The following CDS2 variants were observed in gnomAD, a reference collection of about 807,000 sequenced individuals.
CDS2 encodes the protein CDP-diacylglycerol synthase 2.
In CDS2, 47 loss-of-function variants were observed where a neutral mutation model predicts 59.0. The observed-to-expected ratio is 0.80, with a 90% CI of 0.63 to 1.02. The LOEUF is 1.02. Ranked by LOEUF, CDS2 falls within the 50% of genes least tolerant of loss-of-function variation. CDS2 has a pLI of 0.00. For synonymous variants in CDS2, 207 were observed against 206.4 expected (o/e 1.00, Z -0.02); for missense variants, 356 against 558.9 (o/e 0.64, Z 3.66).
Position 5,127,025 on chromosome 20 carries a change from C to T in CDS2, c.-68C>T, listed in dbSNP as rs939580161. On this transcript the variant is annotated 5_prime_UTR_variant, in exon 1 of 13. Coordinates refer to ENST00000460006, the MANE Select transcript of CDS2 (RefSeq NM_003818.4). ...CCGGCCGTGGGAGTCCGCGCGTGCC[C>T]GCGCCGAGCTGCCTGCTCCGGCGGC... 1.2e-5 allele frequency: 17 copies of T among 1,424,060 alleles called. No individual in the cohort carries two copies. Among genetic ancestry groups the T allele is most frequent in the Middle Eastern group, 3.8e-4 (2 of 5,332 alleles). 88.2% of individuals were successfully genotyped at this position (1,424,060 alleles called of 1,614,324 possible). A position where few individuals can be genotyped will look rare whatever the true frequency, so the allele number is the denominator to read the frequency against.
At position 5,139,844 on chromosome 20, in the gene CDS2, G is replaced by C. The variant is rs1025801273; in HGVS notation, c.57+12695G>C. On this transcript the variant is annotated intron_variant, in intron 1 of 12. Coordinates refer to ENST00000460006, the MANE Select transcript of CDS2 (RefSeq NM_003818.4). ...GATGGAGTCTCACTCTATTGCCCAG[G>C]CTGGAGTGCAGTGGCACGATCTCAG... Among the ~76,000 whole-genome samples the C allele has an allele frequency of 4.0e-5, 6 of 150,212 alleles. 1 individual carries two copies. Among genetic ancestry groups the C allele is most frequent in the African/African-American group, 1.5e-4 (6 of 40,676 alleles).
intron 1 of CDS2, among the ~76,000 whole-genome samples, chr20:5,156,845 C>G (rs1177501342): frequency 6.6e-6 from 1 of 152,154 alleles, no homozygotes; most frequent in East Asian, 1.9e-4. Context: ...AGGTGAAAGT[C>G]CCATGGGAAA....
intron 5 of CDS2, among the ~76,000 whole-genome samples, chr20:5,179,836 G>A (rs1386550758): frequency 6.6e-6 from 1 of 152,146 alleles, no homozygotes; most frequent in Non-Finnish European, 1.5e-5. Context: ...GTAAGGCCAC[G>A]TACTAATTCT....
At position 5,165,903 on chromosome 20, in the gene CDS2, C is replaced by T. The variant is rs531717029; in HGVS notation, c.58-7620C>T. 4.6e-5 allele frequency among the ~76,000 whole-genome samples: 7 copies of T among 152,314 alleles called. No homozygotes were observed. In the East Asian group the frequency reaches 1.3e-3, roughly 29 times the overall value. On this transcript the variant is annotated intron_variant, in intron 1 of 12. Coordinates refer to ENST00000460006, the MANE Select transcript of CDS2 (RefSeq NM_003818.4). Reference sequence around the variant, plus strand: ...TAAAGGTAAGAAAGTACAACCTGTTCTAGAAACTGACTCTAGTTCAGAATG... The same window carrying T: ...TAAAGGTAAGAAAGTACAACCTGTTTTAGAAACTGACTCTAGTTCAGAATG...
At chr20:5,181,088 C>T (rs528499513) in intron 5 of CDS2, among the ~76,000 whole-genome samples, 52 of 152,264 alleles carry the variant, frequency 3.4e-4, no homozygotes, top group Admixed American at 1.4e-3. Context: ...GCAAAACTAT[C>T]CCAAGTAAAC....
rs1388008336 is a variant in CDS2 at position 5,189,095 on chromosome 20, T to G, written c.1010T>G (p.Ile337Ser). Residue 337 changes from isoleucine (I) to serine (S), a missense_variant, in exon 11 of 13, where the codon ATT becomes AGT. By Grantham distance (142) the Ile-to-Ser change is moderately radical. Transcript: ENST00000460006. Reference protein sequence around the residue: ...WKTVRMYPFQIHSIALSTFAS... With the variant: ...WKTVRMYPFQSHSIALSTFAS... Reference sequence around the variant, plus strand: ...ACGGTCCGGATGTACCCCTTCCAGATTCACAGCATCGCTCTCTCCACCTTT... The same window carrying G: ...ACGGTCCGGATGTACCCCTTCCAGAGTCACAGCATCGCTCTCTCCACCTTT... The G allele has an allele frequency of 1.2e-6, 2 of 1,614,094 alleles. No homozygotes were observed. Among genetic ancestry groups the G allele is most frequent in the South Asian group, 1.1e-5 (1 of 91,088 alleles).
rs763643613 is a variant in CDS2 at position 5,182,471 on chromosome 20, C to T, written c.588+26C>T. The T allele has an allele frequency of 6.3e-6, 10 of 1,592,784 alleles. No individual in the cohort carries two copies. In the Admixed American group the frequency reaches 1.8e-4, roughly 28 times the overall value. On this transcript the variant is annotated intron_variant, in intron 6 of 12. Transcript: ENST00000460006. ...GTAAAGGAAATGCATGCGTGTGTGT[C>T]AGAATTCTTGATTTAAATGAAGTTT...
chr20:5,147,597 G>C (rs1430555360), intron 1 of CDS2, among the ~76,000 whole-genome samples: 1 of 151,978 alleles, frequency 6.6e-6, no homozygotes, highest in Non-Finnish European at 1.5e-5. Context: ...TTTTGTAGGG[G>C]CTCCCTATGT....
At chr20:5,141,290 A>G (rs2090691430) in intron 1 of CDS2, among the ~76,000 whole-genome samples, 1 of 152,368 alleles carries the variant, frequency 6.6e-6, no homozygotes, top group East Asian at 1.9e-4. Flanking sequence ...TTAGTCTATT[A>G]GTATTAGATA....
chr20:5,146,179 T>C (rs1600478433), intron 1 of CDS2, among the ~76,000 whole-genome samples: 1 of 152,222 alleles, frequency 6.6e-6, no homozygotes, highest in Non-Finnish European at 1.5e-5. Context: ...GCAACACTTT[T>C]GTTGACATTT....
chr20:5,139,705 T>G (rs943922818), intron 1 of CDS2, among the ~76,000 whole-genome samples: 1 of 152,190 alleles, frequency 6.6e-6, no homozygotes, highest in Non-Finnish European at 1.5e-5. Context: ...ATATATGGCC[T>G]TTATTATGTT....
intron 1 of CDS2, among the ~76,000 whole-genome samples, chr20:5,169,530 C>G (rs1023143258): frequency 6.6e-6 from 1 of 152,216 alleles, no homozygotes; most frequent in Non-Finnish European, 1.5e-5. Context: ...GTTCCAGGCA[C>G]TGCTCAGTGC....
At chr20:5,132,905 G>A (rs945904713) in intron 1 of CDS2, among the ~76,000 whole-genome samples, 24 of 152,206 alleles carry the variant, frequency 1.6e-4, no homozygotes, top group South Asian at 4.2e-4. Context: ...GGGCGCGGTG[G>A]CTCACGCCTG....
Position 5,197,251 on chromosome 20 carries a change from G to GTTTTT in CDS2, c.*7025_*7029dup. ...CTTGGTGGTTTTTTTTTTTTTTTTG[G>GTTTTT]TTTTTTTTTTTTGATCGAGCTGTGG... is the stretch of plus-strand genomic sequence containing the variant. On this transcript the variant is annotated 3_prime_UTR_variant, in exon 13 of 13. Coordinates refer to ENST00000460006, the MANE Select transcript of CDS2 (RefSeq NM_003818.4). 7.9e-6 allele frequency: 1 copy of GTTTTT among 127,328 alleles called. No individual in the cohort carries two copies. 7.9% of individuals were successfully genotyped at this position (127,328 alleles called of 1,614,324 possible). A position where few individuals can be genotyped will look rare whatever the true frequency, so the allele number is the denominator to read the frequency against.
chr20:5,175,357 G>A lies in CDS2; in HGVS notation c.291+78G>A, dbSNP rs560123036. ...CCGGTTGTCTTAAGTGCGAGGTGTT[G>A]GGTTGGTTGTGGGAATTGACGGGGG... On this transcript the variant is annotated intron_variant, in intron 3 of 12. Transcript: ENST00000460006. 7 of 1,174,758 alleles carry A rather than the reference G, an allele frequency of 6.0e-6. No individual in the cohort carries two copies. In the East Asian group the frequency reaches 1.2e-4, roughly 20 times the overall value. The allele number at this position is 1,174,758 out of a possible 1,614,324, so 72.8% of individuals were successfully genotyped here.
At chr20:5,131,508 G>A (rs6053133) in intron 1 of CDS2, among the ~76,000 whole-genome samples, 1 of 152,204 alleles carries the variant, frequency 6.6e-6, no homozygotes, top group South Asian at 2.1e-4. Flanking sequence ...TGGCATTTCA[G>A]GAGATTTTGT....
At chr20:5,170,550 G>A (rs1005459449) in intron 1 of CDS2, among the ~76,000 whole-genome samples, 1 of 152,206 alleles carries the variant, frequency 6.6e-6, no homozygotes, top group African/African-American at 2.4e-5. Context: ...CCTCCTCTGT[G>A]TCTTCCCCAG....
intron 1 of CDS2, among the ~76,000 whole-genome samples, chr20:5,148,740 T>A (rs1430131961): frequency 6.6e-6 from 1 of 152,210 alleles, no homozygotes; most frequent in Non-Finnish European, 1.5e-5. Context: ...TCAATATCTG[T>A]CCCCTCTTGT....
At position 5,136,732 on chromosome 20, in the gene CDS2, G is replaced by T. The variant is rs371820509; in HGVS notation, c.57+9583G>T. Among the ~76,000 whole-genome samples the T allele has an allele frequency of 2.6e-4, 39 of 152,064 alleles. No homozygotes were observed. The South Asian group carries it at 3.3e-3, about 13-fold the overall frequency. On this transcript the variant is annotated intron_variant, in intron 1 of 12. Transcript: ENST00000460006. ...GGTGGGGTGGAGTGATAGAATTCTGGCTCTTTTTCATAATGCTTAAACTTT... is the reference window on the plus strand; with the variant it reads ...GGTGGGGTGGAGTGATAGAATTCTGTCTCTTTTTCATAATGCTTAAACTTT...
Sources: allele counts gnomAD v4.1 joint callset (sites outside exome capture counted in the v4.1 genomes callset), GRCh38; gene constraint gnomAD v4.1.1; transcripts MANE v1.5; gene names NCBI Gene and HGNC (gene_info 2026-07-23, HGNC 2026-07-21).